The following MYO5C variants were observed in gnomAD, a reference collection of about 807,000 sequenced individuals.
MYO5C encodes myosin VC, also known as unconventional myosin-Vc.
MYO5C carries 194 observed loss-of-function variants against 235.7 expected under a neutral mutation model. That is an observed-to-expected ratio of 0.82 (90% CI 0.73 to 0.93). MYO5C has a LOEUF of 0.93. Among genes scored for constraint, MYO5C ranks in the 40% least tolerant of loss-of-function variants. MYO5C has a pLI of 0.00. For missense variants in MYO5C, 2,038 were observed against 2,127.2 expected (o/e 0.96, Z 0.82); for synonymous variants, 707 against 754.8 (o/e 0.94, Z 1.04).
chr15:52,294,918 T>G (rs1397027789), intron 1 of MYO5C, among the ~76,000 whole-genome samples: 2 of 152,174 alleles, frequency 1.3e-5, no homozygotes, highest in East Asian at 3.9e-4. Flanking sequence ...TTGCTAACAG[T>G]ACAGATGTTA....
At chr15:52,241,729 G>GGTGTGTGT (rs370672907) in intron 20 of MYO5C, among the ~76,000 whole-genome samples, 10 of 149,382 alleles carry the variant, frequency 6.7e-5, no homozygotes, top group African/African-American at 2.2e-4. Flanking sequence ...CAGTGCAACT[G>GGTGTGTGT]GTGTGTGTGT....
intron 2 of MYO5C, among the ~76,000 whole-genome samples, chr15:52,281,706 C>G (rs1445845231): frequency 2.0e-5 from 3 of 152,212 alleles, no homozygotes; most frequent in Non-Finnish European, 4.4e-5. Flanking sequence ...GGGGCCATGC[C>G]AGGATCTGAC....
chr15:52,272,034 TA>T (rs1311390508), intron 6 of MYO5C, among the ~76,000 whole-genome samples, 190 bp from the exon 7 acceptor site: 29 of 152,308 alleles, frequency 1.9e-4, no homozygotes, highest in African/African-American at 7.0e-4. Flanking sequence ...GCCTTCCAAG[TA>T]ATGAGCAACC....
At chr15:52,238,070 G>T (rs923233120) in intron 21 of MYO5C, among the ~76,000 whole-genome samples, 6 of 152,180 alleles carry the variant, frequency 3.9e-5, no homozygotes, top group African/African-American at 1.2e-4. Flanking sequence ...TAGAAGAAAA[G>T]GGGATTAAGA....
intron 12 of MYO5C, 126 bp from the exon 13 acceptor site, chr15:52,251,641 T>A (rs1014788298): frequency 2.2e-5 from 7 of 323,960 alleles, no homozygotes; most frequent in Non-Finnish European, 3.7e-5. Flanking sequence ...ATTAGAGGCT[T>A]TTTATTTATT....
chr15:52,238,614 T>C (rs1487177862), intron 21 of MYO5C, among the ~76,000 whole-genome samples: 2 of 152,176 alleles, frequency 1.3e-5, no homozygotes, highest in African/African-American at 2.4e-5. Flanking sequence ...ACTGAGAGCA[T>C]ATGGATGTTT....
At chr15:52,248,635 C>T (rs2036405393) in intron 14 of MYO5C, 65 bp downstream of exon 14, 3 of 1,118,910 alleles carry the variant, frequency 2.7e-6, no homozygotes, top group South Asian at 2.5e-5. Context: ...TTACTCTTTC[C>T]TTATATACAT....
chr15:52,251,582 A>T, intron 12 of MYO5C, 67 bp from the exon 13 acceptor site: 1 of 1,340,748 alleles, frequency 7.5e-7, no homozygotes, highest in Non-Finnish European at 1.0e-6. Context: ...GAGGAAAAGC[A>T]CTAATTCTAA....
chr15:52,288,953 C>G (rs12907952), intron 1 of MYO5C, among the ~76,000 whole-genome samples: 3 of 152,046 alleles, frequency 2.0e-5, no homozygotes, highest in Non-Finnish European at 2.9e-5. Flanking sequence ...CATCTTCTCA[C>G]GCCGCCTGCT....
rs753793790 is a variant in MYO5C, at chr15:52,195,411, T to G, written c.5042A>C (p.Lys1681Thr). The change falls in exon 40 of 41, where the codon AAG becomes ACG. Residue 1681 changes from lysine (K) to threonine (T), a missense_variant. Lys to Thr is a moderately conservative substitution (Grantham distance 78, BLOSUM62 -1). Coordinates refer to ENST00000261839, the MANE Select transcript of MYO5C (RefSeq NM_018728.4). The part of the protein sequence containing the change: ...NSYTPIDDFE[K>T]RVTPSFVRKV... The stretch of plus-strand genomic sequence containing the variant: ...GCGAACAAAGGATGGAGTCACTCTC[T>G]TCTCAAAGTCATCTATAGGTGTGTA... 6.2e-7 allele frequency: 1 copy of G among 1,613,512 alleles called. No homozygotes were observed. The highest frequency in any genetic ancestry group is 1.3e-5 in the African/African-American group (1 of 75,006).
At chr15:52,266,007 C>T (rs2036802226) in intron 8 of MYO5C, among the ~76,000 whole-genome samples, 2 of 152,166 alleles carry the variant, frequency 1.3e-5, no homozygotes, top group Admixed American at 1.3e-4. Context: ...CAGGCCTCCA[C>T]CACAGTAATG....
chr15:52,239,453 A>G (rs750018432), intron 21 of MYO5C, among the ~76,000 whole-genome samples: 1 of 152,180 alleles, frequency 6.6e-6, no homozygotes, highest in Admixed American at 6.5e-5. Context: ...AGGCAACACA[A>G]CTTCACACAG....
chr15:52,227,650 TC>T (rs1263930123), intron 25 of MYO5C, among the ~76,000 whole-genome samples: 1 of 152,156 alleles, frequency 6.6e-6, no homozygotes, highest in Non-Finnish European at 1.5e-5. Context: ...ATGACAGGAC[TC>T]CCACAGACTG....
intron 15 of MYO5C, 144 bp from the exon 16 acceptor site, chr15:52,247,158 GTCCGTGA>G: frequency 1.4e-6 from 1 of 699,890 alleles, no homozygotes; most frequent in Non-Finnish European, 2.4e-6. Context: ...AAAGGTTTCA[GTCCGTGA>G]CTGTGGTTTA....
intron 12 of MYO5C, among the ~76,000 whole-genome samples, 153 bp downstream of exon 12, chr15:52,253,164 T>C (rs1341434171): frequency 6.6e-6 from 1 of 152,214 alleles, no homozygotes; most frequent in Non-Finnish European, 1.5e-5. Flanking sequence ...CCCTCTGGGG[T>C]CCCTGCTGTG....
chr15:52,246,180 C>T, intron 16 of MYO5C, 138 bp from the exon 17 acceptor site: 1 of 663,658 alleles, frequency 1.5e-6, no homozygotes. Flanking sequence ...TATTGCATGA[C>T]CAAGAAAAAT....
intron 38 of MYO5C, among the ~76,000 whole-genome samples, chr15:52,200,507 G>A (rs536050068): frequency 7.9e-5 from 12 of 152,134 alleles, no homozygotes; most frequent in Non-Finnish European, 1.8e-4. Context: ...AGAGGTTGCA[G>A]TGAGCCAAGA....
intron 11 of MYO5C, among the ~76,000 whole-genome samples, chr15:52,254,181 G>A (rs2036533903): frequency 6.6e-6 from 1 of 152,210 alleles, no homozygotes; most frequent in Admixed American, 6.5e-5. Context: ...ACCCTCCTTA[G>A]AGAATTCTGG....
chr15:52,212,472 T>C (rs2141275727), intron 34 of MYO5C, among the ~76,000 whole-genome samples: 1 of 152,076 alleles, frequency 6.6e-6, no homozygotes, highest in Non-Finnish European at 1.5e-5. Flanking sequence ...ACACCAGTGA[T>C]GAGGGGAAAG....
Sources: gnomAD v4.1 joint callset for allele counts (sites outside exome capture counted in the v4.1 genomes callset) on GRCh38, gnomAD v4.1.1 for gene constraint, MANE v1.5 for transcripts, NCBI Gene and HGNC (gene_info 2026-07-23, HGNC 2026-07-21) for gene names.